MRPL42: variants seen among roughly 807,000 people sequenced by gnomAD.
The protein encoded by MRPL42 is large ribosomal subunit protein mL42.
MRPL42 carries 17 observed loss-of-function variants against 17.9 expected under a neutral mutation model. The observed-to-expected ratio is 0.95, with a 90% confidence interval of 0.65 to 1.42. The LOEUF is 1.42. MRPL42 is among the 40% of genes most tolerant of loss of function. MRPL42 has a pLI of 0.00. For missense variants in MRPL42, 177 were observed against 175.2 expected, an observed-to-expected ratio of 1.01 and a Z score of -0.06; for synonymous variants, 59 against 54.4, an observed-to-expected ratio of 1.08 and a Z score of -0.37.
At chr12:93,483,925 A>T (rs1229629662) in intron 4 of MRPL42, among the ~76,000 whole-genome samples, 1 of 152,004 alleles carries the variant, frequency 6.6e-6, no homozygotes, top group Non-Finnish European at 1.5e-5. Flanking sequence ...TTTTGTTTGC[A>T]CTTTTTAAAC....
chr12:93,507,744 CATTAGGGGG>C lies in MRPL42; in HGVS notation c.*6525_*6533del, dbSNP rs1390584369. 3 of 152,284 alleles carry C rather than the reference CATTAGGGGG, an allele frequency of 2.0e-5. No homozygotes were observed. The highest frequency in any genetic ancestry group is 4.4e-5 in the Non-Finnish European group (3 of 68,174). 9.4% of individuals were successfully genotyped at this position (152,284 alleles called of 1,614,324 possible). On this transcript the variant is annotated 3_prime_UTR_variant, in exon 6 of 6. Transcript: ENST00000549982. ...GGTATTGAGTGACTGTCACCTGGGG[CATTAGGGGG>C]ACTGTGTCTCTCATCATCCAGCAAG...
At chr12:93,474,302 T>A (rs1285066372) in intron 2 of MRPL42, among the ~76,000 whole-genome samples, 1 of 152,058 alleles carries the variant, frequency 6.6e-6, no homozygotes, top group South Asian at 2.1e-4. Context: ...TATTAATTTT[T>A]TTTTAATAGA....
Position 93,507,822 on chromosome 12 carries a change from G to C in MRPL42, c.*6601G>C, listed in dbSNP as rs927725595. The C allele has an allele frequency of 3.3e-5, 5 of 152,290 alleles. No individual in the cohort carries two copies. Among genetic ancestry groups the C allele is most frequent in the African/African-American group, 1.2e-4 (5 of 41,442 alleles). The allele number at this position is 152,290 out of a possible 1,614,324, so 9.4% of individuals were successfully genotyped here. ...CATGGCTTTAGGATTTCAAGAGTATGAGATTGGGGCTGGGCATGATGACTC... is the reference window on the plus strand; with the variant it reads ...CATGGCTTTAGGATTTCAAGAGTATCAGATTGGGGCTGGGCATGATGACTC... On this transcript the variant is annotated 3_prime_UTR_variant, in exon 6 of 6. Coordinates refer to ENST00000549982, the MANE Select transcript of MRPL42 (RefSeq NM_014050.4).
intron 2 of MRPL42, among the ~76,000 whole-genome samples, chr12:93,471,488 A>G (rs1879908016): frequency 6.6e-6 from 1 of 151,812 alleles, no homozygotes; most frequent in Middle Eastern, 3.4e-3. Flanking sequence ...TTAGCAGGGG[A>G]GGGGTTTCAC....
intron 4 of MRPL42, among the ~76,000 whole-genome samples, chr12:93,484,956 T>TAA: frequency 2.5e-5 from 1 of 40,486 alleles, no homozygotes; most frequent in Non-Finnish European, 6.3e-5. Flanking sequence ...CATTGCTTTT[T>TAA]AAAAAACACA....
At chr12:93,476,211 CAG>C (rs1435849722) in intron 2 of MRPL42, among the ~76,000 whole-genome samples, 7 of 151,970 alleles carry the variant, frequency 4.6e-5, no homozygotes, top group Non-Finnish European at 1.0e-4. Context: ...TTTTTTGAGA[CAG>C]AGTTTCGCTC....
At position 93,515,368 on chromosome 12, in the gene MRPL42, AT is replaced by A. The variant is rs10711891; in HGVS notation, c.*14165del. Reference sequence around the variant, plus strand: ...TAAAAATTAATAGGCCTTGGCAACTATTTTTTTTTTTTTTTTTTGAGACAGA... The same window carrying A: ...TAAAAATTAATAGGCCTTGGCAACTATTTTTTTTTTTTTTTTTGAGACAGA... On this transcript the variant is annotated 3_prime_UTR_variant, in exon 6 of 6. Transcript: ENST00000549982. 120,457 of 131,930 alleles carry A rather than the reference AT, an allele frequency of 0.91. 55,226 individuals are homozygous for A. The highest frequency in any genetic ancestry group is 0.97 in the Non-Finnish European group (59,067 of 60,880). The allele number at this position is 131,930 out of a possible 1,614,324, so 8.2% of individuals were successfully genotyped here.
chr12:93,475,741 T>G (rs1203921143), intron 2 of MRPL42, among the ~76,000 whole-genome samples: 2 of 152,016 alleles, frequency 1.3e-5, no homozygotes, highest in Admixed American at 1.3e-4. Flanking sequence ...TCCCAGCACT[T>G]TGGGAGGCCG....
intron 5 of MRPL42, among the ~76,000 whole-genome samples, chr12:93,491,775 C>T (rs1188296093): frequency 6.6e-6 from 1 of 152,160 alleles, no homozygotes; most frequent in Non-Finnish European, 1.5e-5. Context: ...ACCTCTTTCC[C>T]TCCTGTCTGT....
chr12:93,468,155 C>G (rs950041319), intron 1 of MRPL42, among the ~76,000 whole-genome samples: 2 of 152,276 alleles, frequency 1.3e-5, no homozygotes, highest in East Asian at 1.9e-4. Context: ...AGTCAGAGCA[C>G]ATATTGTATA....
intron 5 of MRPL42, chr12:93,488,421 A>G: frequency 2.5e-6 from 1 of 397,352 alleles, no homozygotes. Flanking sequence ...TAATTTAGCT[A>G]AAATGAAATA....
chr12:93,487,877 G>T (rs1287564782), intron 5 of MRPL42: 3 of 415,830 alleles, frequency 7.2e-6, no homozygotes, highest in Admixed American at 8.4e-5. Flanking sequence ...GCTCACTGCA[G>T]CCTCAACCTC....
Position 93,510,739 on chromosome 12 carries a change from G to A in MRPL42, c.*9518G>A, listed in dbSNP as rs982359953. 9 of 152,126 alleles carry A rather than the reference G, an allele frequency of 5.9e-5. No individual in the cohort carries two copies. The highest frequency in any genetic ancestry group is 1.9e-4 in the African/African-American group (8 of 41,422). 9.4% of individuals were successfully genotyped at this position (152,126 alleles called of 1,614,324 possible). On this transcript the variant is annotated 3_prime_UTR_variant, in exon 6 of 6. Coordinates refer to ENST00000549982, the MANE Select transcript of MRPL42 (RefSeq NM_014050.4). ...AATTTGCATTTCCCTGATAATATGTGATATGGAACATCTATTTACTCATTA... is the reference window on the plus strand; with the variant it reads ...AATTTGCATTTCCCTGATAATATGTAATATGGAACATCTATTTACTCATTA...
At chr12:93,471,508 C>G (rs1408872825) in intron 2 of MRPL42, among the ~76,000 whole-genome samples, 2 of 151,856 alleles carry the variant, frequency 1.3e-5, no homozygotes, top group Non-Finnish European at 2.9e-5. Context: ...CCATGTTGGC[C>G]AAAACTGGTC....
chr12:93,478,084 G>T (rs932094420), intron 3 of MRPL42, among the ~76,000 whole-genome samples: 2 of 151,830 alleles, frequency 1.3e-5, no homozygotes, highest in Non-Finnish European at 2.9e-5. Flanking sequence ...AGCCCCCCAA[G>T]TAGCTGGGAC....
In MRPL42 at chr12:93,510,149, G is replaced by C. The variant is rs1004033387; in HGVS notation, c.*8928G>C. On this transcript the variant is annotated 3_prime_UTR_variant, in exon 6 of 6. Transcript: ENST00000549982. ...TACCACTGGTCTTTTCACTGTCTCC[G>C]TAAGTTTTTCCTTTTTCAGAACGCC... is the stretch of plus-strand genomic sequence containing the variant. 5 of 152,330 alleles carry C rather than the reference G, an allele frequency of 3.3e-5. No individual in the cohort carries two copies. The highest frequency in any genetic ancestry group is 6.5e-5 in the Admixed American group (1 of 15,272). 9.4% of individuals were successfully genotyped at this position (152,330 alleles called of 1,614,324 possible). A position where few individuals can be genotyped will look rare whatever the true frequency, so the allele number is the denominator to read the frequency against.
Position 93,511,842 on chromosome 12 carries a change from C to T in MRPL42, c.*10621C>T, listed in dbSNP as rs928339737. On this transcript the variant is annotated 3_prime_UTR_variant, in exon 6 of 6. Transcript: ENST00000549982. Reference sequence around the variant, plus strand: ...TAGCAGCAGTGGTAAGAGAACATTCCGGAATAATTACCTAAATTAAGGAGC... The same window carrying T: ...TAGCAGCAGTGGTAAGAGAACATTCTGGAATAATTACCTAAATTAAGGAGC... 4.6e-5 allele frequency: 7 copies of T among 152,064 alleles called. No individual in the cohort carries two copies. Among genetic ancestry groups the T allele is most frequent in the Admixed American group, 3.3e-4 (5 of 15,272 alleles). The allele number at this position is 152,064 out of a possible 1,614,324, so 9.4% of individuals were successfully genotyped here.
chr12:93,477,101 A>T, intron 3 of MRPL42, 84 bp downstream of exon 3: 1 of 1,003,004 alleles, frequency 1.0e-6, no homozygotes. Flanking sequence ...TTGATGTCTG[A>T]TGCTTTCTTT....
In MRPL42 at chr12:93,508,742, T is replaced by C. The variant is rs77194083; in HGVS notation, c.*7521T>C. ...AAGGAAATCCCTAACTTTCATTTTTTCTTCCCGTAAGCAGCCCCGAACACT... is the reference window on the plus strand; with the variant it reads ...AAGGAAATCCCTAACTTTCATTTTTCCTTCCCGTAAGCAGCCCCGAACACT... On this transcript the variant is annotated 3_prime_UTR_variant, in exon 6 of 6. Coordinates refer to ENST00000549982, the MANE Select transcript of MRPL42 (RefSeq NM_014050.4). The C allele has an allele frequency of 6.6e-6, 1 of 152,246 alleles. No homozygotes were observed. The highest frequency in any genetic ancestry group is 2.4e-5 in the African/African-American group (1 of 41,440). 9.4% of individuals were successfully genotyped at this position (152,246 alleles called of 1,614,324 possible). A position where few individuals can be genotyped will look rare whatever the true frequency, so the allele number is the denominator to read the frequency against.
Sources: gnomAD v4.1 joint callset for allele counts (sites outside exome capture counted in the v4.1 genomes callset) on GRCh38, gnomAD v4.1.1 for gene constraint, MANE v1.5 for transcripts, NCBI Gene and HGNC (gene_info 2026-07-23, HGNC 2026-07-21) for gene names.